Variants in ZDHHC15 observed in about 807,000 individuals in gnomAD.
ZDHHC15 encodes palmitoyltransferase ZDHHC15.
A neutral mutation model predicts 31.7 loss-of-function variants in ZDHHC15; 19 were observed. The observed-to-expected ratio is 0.60, with a 90% CI of 0.42 to 0.88. The LOEUF is 0.88. Ranked by LOEUF, ZDHHC15 falls within the 40% of genes least tolerant of loss-of-function variation. The pLI, the probability that ZDHHC15 is intolerant of heterozygous loss-of-function variation, is 0.00. For missense variants in ZDHHC15, 209 were observed against 251.2 expected (o/e 0.83, Z 1.14); for synonymous variants, 103 against 90.0 (o/e 1.14, Z -0.82).
intron 4 of ZDHHC15, among the ~76,000 whole-genome samples, chrX:75,439,052 G>T (rs1161697032): frequency 9.0e-6 from 1 of 111,232 alleles, no homozygotes. Flanking sequence ...TCCCTTCATA[G>T]GTTACCTGAT....
intron 3 of ZDHHC15, among the ~76,000 whole-genome samples, chrX:75,458,830 C>T (rs993098417): frequency 9.2e-6 from 1 of 108,890 alleles, no homozygotes; most frequent in Non-Finnish European, 1.9e-5. Context: ...AGCAGCAGTC[C>T]GTGGCACTCA....
intron 11 of ZDHHC15, among the ~76,000 whole-genome samples, chrX:75,373,924 C>CTTTTTTTT (rs1298329750): frequency 1.1e-3 from 21 of 19,031 alleles, no homozygotes; most frequent in Non-Finnish European, 2.2e-3. Context: ...TTCATTCTTT[C>CTTTTTTTT]TGTTTTTTTT....
In ZDHHC15 at chrX:75,431,518, C is replaced by G. The variant is rs767470063; in HGVS notation, c.382G>C (p.Val128Leu). 2 of 1,202,075 alleles carry G rather than the reference C, an allele frequency of 1.7e-6. No individual in the cohort carries two copies. The highest frequency in any genetic ancestry group is 4.4e-5 in the Admixed American group (2 of 45,062). Residue 128 changes from valine to leucine, a missense_variant and splice_region_variant, in exon 5 of 12, where the codon GTA becomes CTA. Val to Leu is a conservative substitution (Grantham distance 32). Coordinates refer to ENST00000373367, the MANE Select transcript of ZDHHC15 (RefSeq NM_144969.3). ...PVYTRTGSGA[V>L]RFCDRCHLIK... ...AGATGACACCGGTCACAGAATCGTA[C>G]AGCTATAAAAAAAAAAATAAGGTGG...
At chrX:75,503,120 C>T (rs971189788) in intron 2 of ZDHHC15, among the ~76,000 whole-genome samples, 3 of 109,705 alleles carry the variant, frequency 2.7e-5, no homozygotes, top group African/African-American at 9.9e-5. Flanking sequence ...ATATATACAC[C>T]TACTATCTAT....
chrX:75,407,627 G>T (rs1350391902), intron 10 of ZDHHC15, among the ~76,000 whole-genome samples: 3 of 101,252 alleles, frequency 3.0e-5, no homozygotes, highest in African/African-American at 1.1e-4. Flanking sequence ...GCCCCGTCTG[G>T]GAGGTGGGGG....
At chrX:75,521,919 C>T (rs1188157298) in intron 1 of ZDHHC15, among the ~76,000 whole-genome samples, 7 of 111,051 alleles carry the variant, frequency 6.3e-5, no homozygotes, top group Non-Finnish European at 9.4e-5. Context: ...AGAAAAGTAG[C>T]GGCCCTTTGA....
intron 4 of ZDHHC15, among the ~76,000 whole-genome samples, chrX:75,443,145 G>C (rs1173825701): frequency 4.3e-4 from 48 of 110,638 alleles, no homozygotes; most frequent in Non-Finnish European, 7.2e-4. Context: ...AAAAGACCCT[G>C]CATTGCCAAG....
intron 4 of ZDHHC15, among the ~76,000 whole-genome samples, chrX:75,442,477 G>A (rs1391117568): frequency 2.7e-5 from 3 of 111,708 alleles, no homozygotes; most frequent in Admixed American, 9.5e-5. Flanking sequence ...AAATCAATGT[G>A]CAAAAATCAC....
chrX:75,500,393 A>T (rs2085070776), intron 2 of ZDHHC15, among the ~76,000 whole-genome samples: 1 of 110,484 alleles, frequency 9.1e-6, no homozygotes, highest in Non-Finnish European at 1.9e-5. Context: ...TTTATGATAT[A>T]TTATTAAAAA....
chrX:75,417,819 G>A (rs1436000102), intron 9 of ZDHHC15, among the ~76,000 whole-genome samples: 1 of 111,701 alleles, frequency 9.0e-6, no homozygotes, highest in African/African-American at 3.3e-5. Flanking sequence ...ATGCATTGGA[G>A]GGAACTGAGC....
chrX:75,394,357 G>A (rs1602557927), intron 10 of ZDHHC15, among the ~76,000 whole-genome samples: 1 of 109,553 alleles, frequency 9.1e-6, no homozygotes, highest in South Asian at 3.9e-4. Context: ...AATGGTAGGA[G>A]CAAGCTCTTT....
At chrX:75,507,936 A>C (rs2085193339) in intron 1 of ZDHHC15, among the ~76,000 whole-genome samples, 1 of 111,173 alleles carries the variant, frequency 9.0e-6, no homozygotes, top group Non-Finnish European at 1.9e-5. Context: ...ATACAAGTAG[A>C]AAAAGCCTAA....
At chrX:75,429,800 G>A (rs2083756420) in intron 6 of ZDHHC15, 148 bp downstream of exon 6, 1 of 504,565 alleles carries the variant, frequency 2.0e-6, no homozygotes. Flanking sequence ...TATTTAAAAT[G>A]TTACCCCTCC....
chrX:75,469,202 C>T (rs747600320), intron 3 of ZDHHC15, among the ~76,000 whole-genome samples: 2 of 111,630 alleles, frequency 1.8e-5, no homozygotes, highest in African/African-American at 3.2e-5. Flanking sequence ...TAAGTTTAGG[C>T]CTTACATTTA....
intron 2 of ZDHHC15, among the ~76,000 whole-genome samples, chrX:75,486,882 C>T (rs2084786773): frequency 9.0e-6 from 1 of 111,387 alleles, no homozygotes; most frequent in Admixed American, 9.5e-5. Context: ...ACCTTGCCCC[C>T]ACATGCTGGT....
At chrX:75,390,552 G>A in intron 10 of ZDHHC15, among the ~76,000 whole-genome samples, 1 of 111,591 alleles carries the variant, frequency 9.0e-6, no homozygotes, top group Middle Eastern at 4.6e-3. Context: ...GAGAACGAGA[G>A]CCTCTGTCTG....
At chrX:75,399,119 C>A (rs1206901201) in intron 10 of ZDHHC15, among the ~76,000 whole-genome samples, 1 of 111,498 alleles carries the variant, frequency 9.0e-6, no homozygotes, top group Non-Finnish European at 1.9e-5. Context: ...CATACCACAG[C>A]AGCCCTATGA....
At chrX:75,516,586 C>A (rs779437512) in intron 1 of ZDHHC15, among the ~76,000 whole-genome samples, 2 of 112,149 alleles carry the variant, frequency 1.8e-5, no homozygotes, top group African/African-American at 6.5e-5. Context: ...AAAATTAATT[C>A]AAGATGGATT....
intron 1 of ZDHHC15, among the ~76,000 whole-genome samples, chrX:75,515,127 C>A: frequency 9.0e-6 from 1 of 111,032 alleles, no homozygotes; most frequent in African/African-American, 3.3e-5. Flanking sequence ...TGGATTCATA[C>A]CCGAATTCTA....
Sources: allele counts gnomAD v4.1 joint callset (sites outside exome capture counted in the v4.1 genomes callset), GRCh38; gene constraint gnomAD v4.1.1; transcripts MANE v1.5; gene names NCBI Gene and HGNC (gene_info 2026-07-23, HGNC 2026-07-21).